WNT9B: variants seen among roughly 807,000 people sequenced by gnomAD.
WNT9B encodes Wnt family member 9B.
Under a neutral mutation model 30.2 loss-of-function variants are expected in WNT9B, and 12 were observed. The observed-to-expected ratio is 0.40, with a 90% CI of 0.26 to 0.64. The LOEUF (loss-of-function observed/expected upper bound fraction) is 0.64, where lower values mean the gene tolerates loss of function less well. WNT9B is among the 30% of genes least tolerant of loss of function. The pLI, the probability that WNT9B is intolerant of heterozygous loss-of-function variation, is 0.42. For missense variants in WNT9B, 442 were observed against 485.2 expected (o/e 0.91, Z 0.84); for synonymous variants, 218 against 216.9 (o/e 1.01, Z -0.05).
At chr17:46,847,890 G>A (rs1363199248), upstream of WNT9B, among the ~76,000 whole-genome samples, 7 of 152,078 alleles carry the variant, frequency 4.6e-5, no homozygotes, top group African/African-American at 1.7e-4. Context: ...AGGAAGGAGA[G>A]GTCTGCAGAC....
At chr17:46,865,218 A>G (rs1454851955) in intron 1 of WNT9B, among the ~76,000 whole-genome samples, 1 of 152,190 alleles carries the variant, frequency 6.6e-6, no homozygotes, top group African/African-American at 2.4e-5. Flanking sequence ...CACACTCTAA[A>G]TGCCGGGGAT....
Position 46,877,863 on chromosome 17 carries a change from G to T in WNT9B, c.*1145G>T, listed in dbSNP as rs1351669314. On this transcript the variant is annotated 3_prime_UTR_variant, in exon 4 of 4. Coordinates refer to ENST00000290015, the MANE Select transcript of WNT9B (RefSeq NM_003396.3). The stretch of plus-strand genomic sequence containing the variant: ...GGTGCTTGAGTCCTTGCTAAGCCTG[G>T]CTCCTGGGTAGCCTCCTTCAGTTCC... Among the ~76,000 whole-genome samples, 2 of 152,222 alleles carry T rather than the reference G, an allele frequency of 1.3e-5. No individual in the cohort carries two copies. Among genetic ancestry groups the T allele is most frequent in the Admixed American group, 6.5e-5 (1 of 15,278 alleles).
At chr17:46,875,827 A>C (rs1009666093) in intron 3 of WNT9B, among the ~76,000 whole-genome samples, 1 of 152,150 alleles carries the variant, frequency 6.6e-6, no homozygotes, top group African/African-American at 2.4e-5. Flanking sequence ...CAGTAGTGGG[A>C]GGTCTGGAGG....
intron 1 of WNT9B, chr17:46,833,473 A>C: frequency 4.1e-6 from 2 of 484,690 alleles, no homozygotes; most frequent in Non-Finnish European, 8.2e-6. Flanking sequence ...CAGCCAACCC[A>C]CCCCGACTCC....
chr17:46,885,995 G>A (rs1317230766), exon 5 of WNT9B: 1 of 152,296 alleles, frequency 6.6e-6, no homozygotes, highest in Admixed American at 6.5e-5. Flanking sequence ...CTGGAAAGCA[G>A]CCTGCTGATC....
In WNT9B at chr17:46,879,007, C is replaced by T. The variant is rs1043855414; in HGVS notation, c.*2289C>T. On this transcript the variant is annotated 3_prime_UTR_variant, in exon 4 of 4. Coordinates refer to ENST00000290015, the MANE Select transcript of WNT9B (RefSeq NM_003396.3). ...AAGACCCACCTCGGCCCTCTTGGGG[C>T]CCCTGGGGACTAGAGTGACCACTGA... is the stretch of plus-strand genomic sequence containing the variant. Among the ~76,000 whole-genome samples the T allele has an allele frequency of 6.6e-6, 1 of 152,156 alleles. No homozygotes were observed. The highest frequency in any genetic ancestry group is 2.4e-5 in the African/African-American group (1 of 41,426).
At chr17:46,865,696 G>A (rs947105510) in intron 1 of WNT9B, among the ~76,000 whole-genome samples, 1 of 152,124 alleles carries the variant, frequency 6.6e-6, no homozygotes, top group African/African-American at 2.4e-5. Flanking sequence ...GCCCACTGCA[G>A]CCTTGACCTC....
At chr17:46,867,266 G>A (rs2085154834) in intron 1 of WNT9B, among the ~76,000 whole-genome samples, 1 of 152,200 alleles carries the variant, frequency 6.6e-6, no homozygotes, top group African/African-American at 2.4e-5. Context: ...ATACTTATCT[G>A]GAGCTTACTG....
In WNT9B at chr17:46,872,726, A is replaced by C; in HGVS notation, c.287A>C (p.Glu96Ala). The change falls in exon 2 of 4, where the codon GAG becomes GCG. Residue 96 changes from glutamate (E) to alanine (A), a missense_variant. Transcript: ENST00000290015. ...LLECQFQFRHERWNCSLEGRM... is the reference protein window; with the variant it reads ...LLECQFQFRHARWNCSLEGRM... ...GAGTGCCAGTTTCAGTTCCGGCATGAGCGCTGGAACTGTAGCCTGGAGGGC... is the reference window on the plus strand; with the variant it reads ...GAGTGCCAGTTTCAGTTCCGGCATGCGCGCTGGAACTGTAGCCTGGAGGGC... The C allele has an allele frequency of 1.2e-6, 2 of 1,608,228 alleles. No individual in the cohort carries two copies. The highest frequency in any genetic ancestry group is 1.7e-6 in the Non-Finnish European group (2 of 1,178,018).
Position 46,851,702 on chromosome 17 carries a change from G to A in WNT9B, c.64G>A (p.Ala22Thr), listed in dbSNP as rs924772476. 7 of 1,301,080 alleles carry A rather than the reference G, an allele frequency of 5.4e-6. No individual in the cohort carries two copies. The African/African-American group carries it at 6.2e-5, about 12-fold the overall frequency. 80.6% of individuals were successfully genotyped at this position (1,301,080 alleles called of 1,614,324 possible). ...LCLLALPAAA[A>T]SYFGLTGREV... ...CCTGCTGGCGCTGCCCGCCGCCGCC[G>A]CCTCCTACTTCGGGTCAGTGCCCGC... Residue 22 changes from alanine to threonine, a missense_variant, in exon 1 of 4, where the codon GCC (alanine) becomes ACC (threonine). Physicochemically the swap from Ala to Thr is moderately conservative, Grantham distance 58. Coordinates refer to ENST00000290015, the MANE Select transcript of WNT9B (RefSeq NM_003396.3). The surrounding 1 kb of genome is among the most constrained non-coding windows in gnomAD (Gnocchi z 4.3).
chr17:46,843,069 C>A (rs2084734739), intron 1 of WNT9B, among the ~76,000 whole-genome samples: 1 of 152,218 alleles, frequency 6.6e-6, no homozygotes, highest in Non-Finnish European at 1.5e-5. Flanking sequence ...TGCAACCAGG[C>A]CACATTAGAC....
chr17:46,872,814 A>G, intron 2 of WNT9B, 41 bp downstream of exon 2: 1 of 1,497,544 alleles, frequency 6.7e-7, no homozygotes, highest in Non-Finnish European at 9.1e-7. Flanking sequence ...CTGGGGGAAG[A>G]AGCCTTCAGG....
Position 46,872,584 on chromosome 17 carries a change from G to A in WNT9B, c.145G>A (p.Gly49Arg), listed in dbSNP as rs777936396. The A allele has an allele frequency of 2.2e-5, 35 of 1,609,048 alleles. No homozygotes were observed. Among genetic ancestry groups the A allele is most frequent in the East Asian group, 2.2e-5 (1 of 44,828 alleles). Residue 49 changes from glycine to arginine, a missense_variant, in exon 2 of 4, where the codon GGG (glycine) becomes AGG (arginine). Transcript: ENST00000290015. ...LGTAAAPAQG[G>R]AHLKQCDLLK... ...CACTGCGGCAGCCCCGGCACAGGGC[G>A]GGGCCCACCTGAAGCAGTGTGACCT...
downstream of WNT9B, among the ~76,000 whole-genome samples, chr17:46,882,149 C>G (rs2085431753): frequency 6.6e-6 from 1 of 152,140 alleles, no homozygotes; most frequent in East Asian, 1.9e-4. Flanking sequence ...GAGTGAGACC[C>G]TGTCTCTAAA....
At chr17:46,881,836 A>C (rs1363543724), downstream of WNT9B, among the ~76,000 whole-genome samples, 2 of 152,230 alleles carry the variant, frequency 1.3e-5, no homozygotes, top group African/African-American at 4.8e-5. Flanking sequence ...TGCAGACACC[A>C]AGACACTTAC....
exon 5 of WNT9B, chr17:46,885,958 G>A (rs34316808): frequency 0.3 from 45,765 of 152,212 alleles, 7,007 homozygotes; most frequent in Admixed American, 0.34. Flanking sequence ...GCTTCTGCAA[G>A]ATGAGGTGGG....
At chr17:46,872,805 T>TGGGGGAGGGGGAGGGCG in intron 2 of WNT9B, 32 bp downstream of exon 2, 4 of 1,089,670 alleles carry the variant, frequency 3.7e-6, no homozygotes, top group Non-Finnish European at 5.3e-6. Flanking sequence ...CGGGGAGGGC[T>TGGGGGAGGGGGAGGGCG]GGGGGAAGAA....
downstream of WNT9B, among the ~76,000 whole-genome samples, chr17:46,883,914 C>G (rs559365071): frequency 2.0e-5 from 3 of 152,304 alleles, no homozygotes; most frequent in African/African-American, 7.2e-5. Context: ...GGCTGTGGGG[C>G]CCATATTCCT....
rs373305196 is a variant in WNT9B, at chr17:46,872,685, G to A, written c.246G>A (p.Ala82=). Residue 82 remains alanine, a synonymous_variant, in exon 2 of 4, where the codon GCG becomes GCA. Coordinates refer to ENST00000290015, the MANE Select transcript of WNT9B (RefSeq NM_003396.3). ...PGLAETLRDA[A]HLGLLECQFQ... is the part of the protein sequence containing the mutation. ...TGGCTGAGACCCTGAGGGATGCTGC[G>A]CACCTCGGCCTGCTTGAGTGCCAGT... 56 of 1,613,576 alleles carry A rather than the reference G, an allele frequency of 3.5e-5. No homozygotes were observed. The highest frequency in any genetic ancestry group is 4.0e-5 in the Non-Finnish European group (47 of 1,180,012).
Sources: allele counts gnomAD v4.1 joint callset (sites outside exome capture counted in the v4.1 genomes callset), GRCh38; gene constraint gnomAD v4.1.1; non-coding constraint Gnocchi (gnomAD v3.1); transcripts MANE v1.5; gene names NCBI Gene and HGNC (gene_info 2026-07-23, HGNC 2026-07-21).